Variants in RASAL2 observed in about 807,000 individuals in gnomAD.
RASAL2 encodes the protein RAS protein activator like 2.
RASAL2 carries 58 observed loss-of-function variants against 128.9 expected under a neutral mutation model. That is an observed-to-expected ratio of 0.45 (90% confidence interval 0.36 to 0.56). The LOEUF (loss-of-function observed/expected upper bound fraction) is 0.56. RASAL2 is among the 20% of genes least tolerant of loss of function. The pLI is 0.00. For synonymous variants in RASAL2, 561 were observed against 580.8 expected, an observed-to-expected ratio of 0.97 and a Z score of 0.49; for missense variants, 1,360 against 1,601.6, an observed-to-expected ratio of 0.85 and a Z score of 2.57.
intron 1 of RASAL2, among the ~76,000 whole-genome samples, chr1:178,131,620 CAA>C (rs1458091002): frequency 6.6e-6 from 1 of 151,932 alleles, no homozygotes; most frequent in Non-Finnish European, 1.5e-5. Flanking sequence ...GTGGTTTTTC[CAA>C]AAACCTGACA....
chr1:178,272,337 T>G (rs1463919044), intron 1 of RASAL2, among the ~76,000 whole-genome samples: 1 of 152,222 alleles, frequency 6.6e-6, no homozygotes, highest in Non-Finnish European at 1.5e-5. Context: ...GCTAGGTGTG[T>G]CACTTTGAGC....
At chr1:178,195,859 T>C (rs1025982144) in intron 1 of RASAL2, among the ~76,000 whole-genome samples, 1 of 152,134 alleles carries the variant, frequency 6.6e-6, no homozygotes, top group African/African-American at 2.4e-5. Flanking sequence ...GCTGTTATTA[T>C]AATCATAAAA....
chr1:178,247,322 C>T (rs1025180179), intron 1 of RASAL2, among the ~76,000 whole-genome samples: 1 of 146,262 alleles, frequency 6.8e-6, no homozygotes, highest in African/African-American at 2.7e-5. Flanking sequence ...GGAATTTATC[C>T]ATTTCTTCTA....
At chr1:178,251,928 T>A (rs1218799870) in intron 1 of RASAL2, among the ~76,000 whole-genome samples, 2 of 152,192 alleles carry the variant, frequency 1.3e-5, no homozygotes, top group African/African-American at 4.8e-5. Context: ...AACTAAATGT[T>A]TATATATAAG....
intron 1 of RASAL2, among the ~76,000 whole-genome samples, chr1:178,108,259 T>C (rs536267909): frequency 1.3e-5 from 2 of 152,216 alleles, no homozygotes; most frequent in Non-Finnish European, 2.9e-5. Context: ...TTTGGAGACA[T>C]GTCTATTCAA....
intron 1 of RASAL2, among the ~76,000 whole-genome samples, chr1:178,176,571 A>G (rs1156556435): frequency 6.0e-5 from 9 of 150,616 alleles, no homozygotes; most frequent in Non-Finnish European, 1.2e-4. Flanking sequence ...GACATAACCA[A>G]CTCATCAGAA....
At chr1:178,339,034 C>T (rs1223328853) in intron 3 of RASAL2, among the ~76,000 whole-genome samples, 1 of 152,170 alleles carries the variant, frequency 6.6e-6, no homozygotes, top group Non-Finnish European at 1.5e-5. Flanking sequence ...ATATTACACT[C>T]ATCAAACCTT....
At chr1:178,368,124 A>G (rs1671503559) in intron 3 of RASAL2, among the ~76,000 whole-genome samples, 1 of 152,178 alleles carries the variant, frequency 6.6e-6, no homozygotes, top group Admixed American at 6.5e-5. Context: ...GAAAAAGTGC[A>G]TTTGCTGACC....
At chr1:178,404,684 ATT>A (rs61625303) in intron 4 of RASAL2, among the ~76,000 whole-genome samples, 6,278 of 110,290 alleles carry the variant, frequency 0.057, 343 homozygotes, top group African/African-American at 0.16. Context: ...TGGCCCCCCA[ATT>A]TTTTTTTTTT....
intron 1 of RASAL2, among the ~76,000 whole-genome samples, chr1:178,246,151 T>G (rs1363979917): frequency 1.3e-5 from 2 of 152,190 alleles, no homozygotes; most frequent in African/African-American, 4.8e-5. Flanking sequence ...TATAAATTAC[T>G]TTGGGCAGTA....
chr1:178,191,337 TGAATA>T (rs1367353033), intron 1 of RASAL2, among the ~76,000 whole-genome samples: 1 of 150,322 alleles, frequency 6.7e-6, no homozygotes, highest in African/African-American at 2.5e-5. Flanking sequence ...ATAATATAAA[TGAATA>T]GATAAATGAA....
chr1:178,280,174 TA>T (rs1310931478), intron 1 of RASAL2, among the ~76,000 whole-genome samples: 1 of 152,090 alleles, frequency 6.6e-6, no homozygotes, highest in East Asian at 1.9e-4. Flanking sequence ...TTGAAAATAT[TA>T]TTAAACCACT....
At chr1:178,241,457 A>T (rs1340525574) in intron 1 of RASAL2, among the ~76,000 whole-genome samples, 5 of 152,164 alleles carry the variant, frequency 3.3e-5, no homozygotes, top group African/African-American at 1.2e-4. Flanking sequence ...GTACATATTA[A>T]ATTTCCATGG....
intron 1 of RASAL2, among the ~76,000 whole-genome samples, chr1:178,182,927 G>T (rs1662164354): frequency 6.6e-6 from 1 of 152,150 alleles, no homozygotes; most frequent in African/African-American, 2.4e-5. Context: ...TAAGATTCTT[G>T]TAAGGAGTGT....
At chr1:178,170,416 T>C (rs574338930) in intron 1 of RASAL2, among the ~76,000 whole-genome samples, 1 of 151,838 alleles carries the variant, frequency 6.6e-6, no homozygotes, top group South Asian at 2.1e-4. Context: ...AAGAGCTAAG[T>C]CATAGTTTAT....
chr1:178,162,354 T>A (rs1196326108), intron 1 of RASAL2, among the ~76,000 whole-genome samples: 1 of 126,978 alleles, frequency 7.9e-6, no homozygotes, highest in African/African-American at 3.0e-5. Context: ...GTGTATATAA[T>A]ATATAATATA....
At chr1:178,240,743 T>C (rs566592202) in intron 1 of RASAL2, among the ~76,000 whole-genome samples, 1 of 151,866 alleles carries the variant, frequency 6.6e-6, no homozygotes, top group East Asian at 1.9e-4. Context: ...ATTAAGCTAA[T>C]TATTAACAAC....
chr1:178,126,779 A>G (rs1024204767), intron 1 of RASAL2, among the ~76,000 whole-genome samples: 4 of 152,184 alleles, frequency 2.6e-5, no homozygotes, highest in Non-Finnish European at 4.4e-5. Flanking sequence ...ACATTCATTC[A>G]ATTCCTGTAA....
intron 1 of RASAL2, among the ~76,000 whole-genome samples, chr1:178,168,645 G>A (rs534209608): frequency 6.6e-6 from 1 of 152,226 alleles, no homozygotes; most frequent in African/African-American, 2.4e-5. Flanking sequence ...CTGTAGGCTA[G>A]TTGAAATGCA....
Sources: gnomAD v4.1 joint callset for allele counts (sites outside exome capture counted in the v4.1 genomes callset) on GRCh38, gnomAD v4.1.1 for gene constraint, MANE v1.5 for transcripts, NCBI Gene and HGNC (gene_info 2026-07-23, HGNC 2026-07-21) for gene names.